The following RNF180 variants were observed in gnomAD, a reference collection of about 807,000 sequenced individuals.
RNF180 encodes the protein E3 ubiquitin-protein ligase RNF180.
In RNF180, 38 loss-of-function variants were observed where a neutral mutation model predicts 59.2. The ratio of observed to expected loss-of-function variants is 0.64; its 90% confidence interval spans 0.50 to 0.84. The LOEUF is 0.84. RNF180 is among the 40% of genes least tolerant of loss of function. The pLI is 0.00. For synonymous variants in RNF180, 262 were observed against 240.3 expected (o/e 1.09, Z -0.84); for missense variants, 705 against 700.9 (o/e 1.01, Z -0.07).
chr5:64,295,767 G>T (rs1324196521), intron 5 of RNF180, among the ~76,000 whole-genome samples: 1 of 152,030 alleles, frequency 6.6e-6, no homozygotes, highest in Non-Finnish European at 1.5e-5. Context: ...CTAGAGTCTT[G>T]CTAGTTTTTA....
intron 5 of RNF180, among the ~76,000 whole-genome samples, chr5:64,302,783 C>T (rs1008233936): frequency 6.6e-6 from 1 of 151,552 alleles, no homozygotes; most frequent in Admixed American, 6.6e-5. Context: ...CTACTTTTGT[C>T]CAAGGATTTG....
At chr5:64,220,133 G>A (rs1752836308) in intron 5 of RNF180, among the ~76,000 whole-genome samples, 1 of 151,724 alleles carries the variant, frequency 6.6e-6, no homozygotes, top group Non-Finnish European at 1.5e-5. Flanking sequence ...TCTTGCTGGA[G>A]GTTTATTAAG....
intron 5 of RNF180, among the ~76,000 whole-genome samples, chr5:64,244,942 C>T (rs1379008629): frequency 6.6e-6 from 1 of 152,188 alleles, no homozygotes; most frequent in Non-Finnish European, 1.5e-5. Context: ...ATTCAACATT[C>T]TTAAAGAAAA....
chr5:64,304,166 T>A (rs896428767), intron 5 of RNF180, among the ~76,000 whole-genome samples: 11 of 151,528 alleles, frequency 7.3e-5, no homozygotes, highest in Non-Finnish European at 1.5e-4. Flanking sequence ...ATATCAGTGC[T>A]TGTTGACAGT....
chr5:64,214,532 A>G lies in RNF180; in HGVS notation c.1191+15A>G. The G allele has an allele frequency of 6.2e-7, 1 of 1,600,308 alleles. No homozygotes were observed. Among genetic ancestry groups the G allele is most frequent in the Non-Finnish European group, 8.5e-7 (1 of 1,172,072 alleles). On this transcript the variant is annotated intron_variant, in intron 4 of 7. Transcript: ENST00000389100. ...TACAGAAGCAGGTAATATTTTTCAA[A>G]AGAGTTTACTAAAAATCTGTATTAT...
chr5:64,352,018 A>G (rs1745836041), intron 7 of RNF180, among the ~76,000 whole-genome samples: 1 of 152,086 alleles, frequency 6.6e-6, no homozygotes, highest in Non-Finnish European at 1.5e-5. Flanking sequence ...TCGGCTGTGA[A>G]TCCATCTCAT....
chr5:64,269,349 G>C (rs1291478769), intron 5 of RNF180, among the ~76,000 whole-genome samples: 1 of 152,084 alleles, frequency 6.6e-6, no homozygotes, highest in Non-Finnish European at 1.5e-5. Context: ...GCAATCTGTT[G>C]TAATTTTAAA....
intron 7 of RNF180, among the ~76,000 whole-genome samples, chr5:64,368,860 T>TG (rs1746548538): frequency 1.3e-5 from 2 of 152,024 alleles, no homozygotes; most frequent in Non-Finnish European, 2.9e-5. Flanking sequence ...ACACTGTTGG[T>TG]GGGACTGTAA....
At chr5:64,250,441 A>C (rs1041537899) in intron 5 of RNF180, among the ~76,000 whole-genome samples, 1 of 152,176 alleles carries the variant, frequency 6.6e-6, no homozygotes, top group Non-Finnish European at 1.5e-5. Flanking sequence ...TGAAATGTAC[A>C]CTAGGAAAAT....
At chr5:64,173,074 T>C (rs1750029255) in intron 1 of RNF180, among the ~76,000 whole-genome samples, 1 of 152,212 alleles carries the variant, frequency 6.6e-6, no homozygotes, top group Admixed American at 6.5e-5. Flanking sequence ...TTGTCCCTAG[T>C]ATACAGCAAA....
chr5:64,356,746 A>G (rs146831542), intron 7 of RNF180, among the ~76,000 whole-genome samples: 111 of 152,052 alleles, frequency 7.3e-4, no homozygotes, highest in African/African-American at 2.6e-3. Context: ...AAAATAAACC[A>G]AACACAAAAG....
At chr5:64,352,802 G>A (rs1170312823) in intron 7 of RNF180, among the ~76,000 whole-genome samples, 1 of 151,942 alleles carries the variant, frequency 6.6e-6, no homozygotes, top group Admixed American at 6.6e-5. Context: ...TTTTCTTAAA[G>A]TTTGAAATAC....
At chr5:64,349,915 T>C (rs1745723194) in intron 7 of RNF180, among the ~76,000 whole-genome samples, 1 of 152,214 alleles carries the variant, frequency 6.6e-6, no homozygotes, top group South Asian at 2.1e-4. Flanking sequence ...TATGTGTCTT[T>C]ATAGCAGCAT....
In RNF180 at chr5:64,212,155, C is replaced by A; in HGVS notation, c.226C>A (p.Gln76Lys). The A allele has an allele frequency of 1.3e-6, 2 of 1,553,608 alleles. No individual in the cohort carries two copies. Among genetic ancestry groups the A allele is most frequent in the Non-Finnish European group, 1.8e-6 (2 of 1,125,728 alleles). ...ALPEWISCLI[Q>K]KAQWTVGKLN... The stretch of plus-strand genomic sequence containing the variant: ...TCCAGAATGGATAAGCTGCCTAATC[C>A]AAAAAGTAAGTTCTTAGTTTCTGAG... Residue 76 changes from glutamine to lysine, a missense_variant, in exon 3 of 8, where the codon CAA (glutamine) becomes AAA (lysine). Coordinates refer to ENST00000389100, the MANE Select transcript of RNF180 (RefSeq NM_001113561.2).
At chr5:64,283,658 C>A (rs1456923934) in intron 5 of RNF180, among the ~76,000 whole-genome samples, 1 of 152,100 alleles carries the variant, frequency 6.6e-6, no homozygotes, top group Non-Finnish European at 1.5e-5. Context: ...TGGCATTTCC[C>A]ATGCTTGCAC....
intron 7 of RNF180, among the ~76,000 whole-genome samples, chr5:64,337,145 C>G (rs886154735): frequency 6.6e-6 from 1 of 151,992 alleles, no homozygotes; most frequent in African/African-American, 2.4e-5. Flanking sequence ...TCCTGAGTAG[C>G]TGGGACTACA....
intron 1 of RNF180, among the ~76,000 whole-genome samples, chr5:64,167,253 T>G (rs1749694384): frequency 6.6e-6 from 1 of 152,172 alleles, no homozygotes; most frequent in Non-Finnish European, 1.5e-5. Flanking sequence ...AATCAAAAAT[T>G]TAGGAGAATA....
chr5:64,359,072 G>A (rs1194361109), intron 7 of RNF180, among the ~76,000 whole-genome samples: 16 of 151,222 alleles, frequency 1.1e-4, no homozygotes, highest in South Asian at 6.3e-4. Context: ...CTTTGCTATC[G>A]TGAATAATGC....
At chr5:64,287,025 G>C (rs921222435) in intron 5 of RNF180, among the ~76,000 whole-genome samples, 23 of 152,134 alleles carry the variant, frequency 1.5e-4, no homozygotes, top group African/African-American at 5.6e-4. Flanking sequence ...AGAGTGCAGT[G>C]GTGTGATCTC....
Sources: allele counts gnomAD v4.1 joint callset (sites outside exome capture counted in the v4.1 genomes callset), GRCh38; gene constraint gnomAD v4.1.1; transcripts MANE v1.5; gene names NCBI Gene and HGNC (gene_info 2026-07-23, HGNC 2026-07-21).